PROCA1: variants seen among roughly 807,000 people sequenced by gnomAD.
The protein encoded by PROCA1 is protein PROCA1.
In PROCA1, 22 loss-of-function variants were observed where a neutral mutation model predicts 23.2. That is an observed-to-expected ratio of 0.95 (90% confidence interval 0.68 to 1.35). The LOEUF (loss-of-function observed/expected upper bound fraction) is 1.35. Among genes scored for constraint, PROCA1 ranks in the 40% most tolerant of loss-of-function variants. PROCA1 has a pLI of 0.00. For missense variants in PROCA1, 469 were observed against 459.8 expected (o/e 1.02, Z -0.18); for synonymous variants, 182 against 179.2 (o/e 1.02, Z -0.12).
rs1039980122 is a variant in PROCA1, at chr17:28,703,438, C to T, written c.*120G>A. 3.7e-6 allele frequency: 4 copies of T among 1,075,670 alleles called. No individual in the cohort carries two copies. The highest frequency in any genetic ancestry group is 1.6e-5 in the African/African-American group (1 of 63,344). 66.6% of individuals were successfully genotyped at this position (1,075,670 alleles called of 1,614,324 possible). ...AAGCTGGATTGCCTTTGAGAAACCC[C>T]TGCAGCCCTGAGCCCACCCCTTGCC... On this transcript the variant is annotated 3_prime_UTR_variant, in exon 5 of 5. Transcript: ENST00000682792.
In PROCA1 at chr17:28,704,726, T is replaced by C. The variant is rs1391968591; in HGVS notation, c.293A>G (p.His98Arg). Residue 98 changes from histidine (H) to arginine (R), a missense_variant, in exon 3 of 5, where the codon CAC becomes CGC. Coordinates refer to ENST00000682792, the MANE Select transcript of PROCA1 (RefSeq NM_001366301.1). Reference sequence around the variant, plus strand: ...CCCTCACCTAGAATTACAGTTGCAGTGGTTGACAGAGTGTAGGTGCAGGCT... The same window carrying C: ...CCCTCACCTAGAATTACAGTTGCAGCGGTTGACAGAGTGTAGGTGCAGGCT... ...RHSLHLHSVN[H>R]CNCNSRLKDS... is the part of the protein sequence containing the mutation. 31 of 1,614,094 alleles carry C rather than the reference T, an allele frequency of 1.9e-5. No homozygotes were observed. The highest frequency in any genetic ancestry group is 2.5e-5 in the Non-Finnish European group (29 of 1,179,980).
At chr17:28,704,663 C>G (rs137985218) in intron 3 of PROCA1, 45 bp downstream of exon 3, 2 of 1,608,052 alleles carry the variant, frequency 1.2e-6, no homozygotes, top group East Asian at 2.2e-5. Flanking sequence ...AATGAAAGTT[C>G]GGACCTGGCT....
rs1189995689 is a variant in PROCA1, at chr17:28,704,383, AGGTT to A, written c.360_363del (p.Thr121AlafsTer37). The stretch of plus-strand genomic sequence containing the variant: ...CAAGGGGACTCGATGACATGGGAGC[AGGTT>A]GGGCCCGCGCCCCGGGAGCTGCTGC... On this transcript the variant is annotated frameshift_variant, in exon 4 of 5. Coordinates refer to ENST00000682792, the MANE Select transcript of PROCA1 (RefSeq NM_001366301.1). LOFTEE classifies it high-confidence loss of function. 6.2e-7 allele frequency: 1 copy of A among 1,614,110 alleles called. No homozygotes were observed. Among genetic ancestry groups the A allele is most frequent in the Non-Finnish European group, 8.5e-7 (1 of 1,180,000 alleles).
chr17:28,706,656 G>A, intron 2 of PROCA1, 24 bp downstream of exon 2: 1 of 1,297,758 alleles, frequency 7.7e-7, no homozygotes, highest in African/African-American at 1.5e-5. Context: ...AGGATCCCCT[G>A]GGTCAAAGGT....
Position 28,703,894 on chromosome 17 carries a change from T to C in PROCA1, c.759A>G (p.Ala253=), listed in dbSNP as rs143184244. 1.6e-4 allele frequency: 260 copies of C among 1,614,120 alleles called. No homozygotes were observed. In the African/African-American group the frequency reaches 2.8e-3, roughly 18 times the overall value. The change falls in exon 5 of 5, where the codon GCA becomes GCG. Residue 253 remains alanine (A), a synonymous_variant. Coordinates refer to ENST00000682792, the MANE Select transcript of PROCA1 (RefSeq NM_001366301.1). ...EKDKEEMDEK[A]KLKKKAKKGQ... ...CTTTCTTGGCTTTTTTCTTCAGCTT[T>C]GCCTTCTCATCCATCTCCTCCTTGT...
intron 1 of PROCA1, chr17:28,711,035 AG>A: frequency 8.4e-7 from 1 of 1,189,728 alleles, no homozygotes; most frequent in Non-Finnish European, 1.1e-6. Flanking sequence ...GAGAGGAAGG[AG>A]GGAAGAGGAG....
Position 28,703,455 on chromosome 17 carries a change from C to T in PROCA1, c.*103G>A. On this transcript the variant is annotated 3_prime_UTR_variant, in exon 5 of 5. Coordinates refer to ENST00000682792, the MANE Select transcript of PROCA1 (RefSeq NM_001366301.1). ...AGAAACCCCTGCAGCCCTGAGCCCA[C>T]CCCTTGCCCCGCAAGAAACAGCCAG... The T allele has an allele frequency of 1.6e-6, 2 of 1,267,888 alleles. No homozygotes were observed. The highest frequency in any genetic ancestry group is 2.2e-6 in the Non-Finnish European group (2 of 911,388). 78.5% of individuals were successfully genotyped at this position (1,267,888 alleles called of 1,614,324 possible).
Position 28,703,644 on chromosome 17 carries a change from C to G in PROCA1, c.1009G>C (p.Ala337Pro). Reference protein sequence around the residue: ...SPRKRENTVQAKKTGAKPSQA... With the variant: ...SPRKRENTVQPKKTGAKPSQA... ...GAGGGCTTTGCCCCTGTCTTTTTGG[C>G]CTGGACTGTGTTCTCTCTCTTCCTG... Residue 337 changes from alanine (A) to proline (P), a missense_variant, in exon 5 of 5, where the codon GCC (alanine) becomes CCC (proline). By Grantham distance (27) the Ala-to-Pro change is conservative. Transcript: ENST00000682792. 1 of 1,614,174 alleles carries G rather than the reference C, an allele frequency of 6.2e-7. No individual in the cohort carries two copies. Among genetic ancestry groups the G allele is most frequent in the African/African-American group, 1.3e-5 (1 of 75,030 alleles).
intron 1 of PROCA1, chr17:28,707,865 T>G (rs1183156358): frequency 6.6e-6 from 1 of 152,306 alleles, no homozygotes; most frequent in African/African-American, 2.4e-5. Flanking sequence ...TCTTCACTTC[T>G]TTCTTCTCTT....
Position 28,711,697 on chromosome 17 carries a change from T to G in PROCA1, c.-37A>C, listed in dbSNP as rs185382921. ...CAGGTCTTCGTCTCTACAGGACTCTTGCGTGAAGTCCAACCCTGAGCCTCA... is the reference window on the plus strand; with the variant it reads ...CAGGTCTTCGTCTCTACAGGACTCTGGCGTGAAGTCCAACCCTGAGCCTCA... On this transcript the variant is annotated 5_prime_UTR_variant, in exon 1 of 5. Transcript: ENST00000682792. 4.0e-5 allele frequency: 63 copies of G among 1,585,710 alleles called. No homozygotes were observed. The East Asian group carries it at 1.3e-3, about 34-fold the overall frequency.
rs1194137089 is a variant in PROCA1, at chr17:28,711,610, G to C, written c.51C>G (p.Thr17=). ...CATCCCACGAGCGGGCCTTGGGCTC[G>C]GTCTTTTCCTTAGTCCATCTTTCAA... ...LTIERWTKEK[T]EPKARSWDES... The change falls in exon 1 of 5, where the codon ACC becomes ACG. Residue 17 remains threonine (T), a synonymous_variant. Transcript: ENST00000682792. 1.2e-6 allele frequency: 2 copies of C among 1,612,052 alleles called. No individual in the cohort carries two copies. The highest frequency in any genetic ancestry group is 2.2e-5 in the East Asian group (1 of 44,534).
chr17:28,709,667 T>G (rs531513608), intron 1 of PROCA1, among the ~76,000 whole-genome samples: 1 of 151,974 alleles, frequency 6.6e-6, no homozygotes, highest in East Asian at 2.0e-4. Context: ...AGATTCTGTC[T>G]TATAAAATAA....
chr17:28,711,587 T>A lies in PROCA1; in HGVS notation c.74A>T (p.Asp25Val). 1 of 1,610,888 alleles carries A rather than the reference T, an allele frequency of 6.2e-7. No homozygotes were observed. The highest frequency in any genetic ancestry group is 8.5e-7 in the Non-Finnish European group (1 of 1,179,084). The change falls in exon 1 of 5, where the codon GAT (aspartate) becomes GTT (valine). Residue 25 changes from aspartate to valine, a missense_variant. Transcript: ENST00000682792. ...CCTCTTACCGCGGCATCTGCTCTCA[T>A]CCCACGAGCGGGCCTTGGGCTCGGT... The part of the protein sequence containing the change: ...EKTEPKARSW[D>V]ESRCRDVNRL...
chr17:28,711,333 C>T, intron 1 of PROCA1: 1 of 560,018 alleles, frequency 1.8e-6, no homozygotes. Flanking sequence ...ATCCCGCGGG[C>T]GACCCAGCAG....
Position 28,711,570 on chromosome 17 carries a change from C to T in PROCA1, c.91G>A (p.Asp31Asn), listed in dbSNP as rs1276847950. 1.9e-6 allele frequency: 3 copies of T among 1,608,644 alleles called. No individual in the cohort carries two copies. Among genetic ancestry groups the T allele is most frequent in the Non-Finnish European group, 2.5e-6 (3 of 1,178,450 alleles). The change falls in exon 1 of 5, where the codon GAT (aspartate) becomes AAT (asparagine). Residue 31 changes from aspartate to asparagine, a missense_variant and splice_region_variant. Asp to Asn is a conservative substitution (Grantham distance 23, BLOSUM62 1). Coordinates refer to ENST00000682792, the MANE Select transcript of PROCA1 (RefSeq NM_001366301.1). The stretch of plus-strand genomic sequence containing the variant: ...CCAGCCCCTGCCCCGCCCCTCTTAC[C>T]GCGGCATCTGCTCTCATCCCACGAG... ...ARSWDESRCRDVNRLPSWERG... is the reference protein window; with the variant it reads ...ARSWDESRCRNVNRLPSWERG...
rs1244395843 is a variant in PROCA1, at chr17:28,711,650, C to T, written c.11G>A (p.Arg4Lys). 6.2e-7 allele frequency: 1 copy of T among 1,612,582 alleles called. No homozygotes were observed. The part of the protein sequence containing the change: MWV[R>K]TTLTIERWTK... ...CCATCTTTCAATTGTGAGCGTCGTC[C>T]TGACCCACATCGCTCTCCGCCCAGG... The change falls in exon 1 of 5, where the codon AGG (arginine) becomes AAG (lysine). Residue 4 changes from arginine to lysine, a missense_variant. By Grantham distance (26) the Arg-to-Lys change is conservative. Transcript: ENST00000682792.
chr17:28,711,781 C>G lies in PROCA1; in HGVS notation c.-121G>C, dbSNP rs540124288. ...CAGTCTCGGCTTCGCCCCCGCCTAG[C>G]CCCTAACCCCGCCTCATGCTGGCGC... On this transcript the variant is annotated 5_prime_UTR_variant, in exon 1 of 5. Transcript: ENST00000682792. 1.3e-5 allele frequency: 10 copies of G among 777,994 alleles called. No homozygotes were observed. The African/African-American group carries it at 1.8e-4, about 14-fold the overall frequency. The allele number at this position is 777,994 out of a possible 1,614,324, so 48.2% of individuals were successfully genotyped here.
At chr17:28,704,247 G>T in intron 4 of PROCA1, 35 bp from the exon 5 acceptor site, 1 of 1,566,582 alleles carries the variant, frequency 6.4e-7, no homozygotes. Flanking sequence ...GTTTGACAGA[G>T]AGTGGGGGGC....
At position 28,703,770 on chromosome 17, in the gene PROCA1, A is replaced by T; in HGVS notation, c.883T>A (p.Ser295Thr). Residue 295 changes from serine to threonine, a missense_variant, in exon 5 of 5, where the codon TCC (serine) becomes ACC (threonine). Physicochemically the swap from Ser to Thr is moderately conservative, Grantham distance 58. Coordinates refer to ENST00000682792, the MANE Select transcript of PROCA1 (RefSeq NM_001366301.1). ...AGCTCTTCCCGGCTTTCTGGGCTGG[A>T]CTCGGACATCCTGGCCAGCTGTCTT... ...SARQLARMSE[S>T]SPESREELES... 6.2e-7 allele frequency: 1 copy of T among 1,613,772 alleles called. No homozygotes were observed. Among genetic ancestry groups the T allele is most frequent in the African/African-American group, 1.3e-5 (1 of 74,836 alleles).
Sources: allele counts gnomAD v4.1 joint callset (sites outside exome capture counted in the v4.1 genomes callset), GRCh38; gene constraint gnomAD v4.1.1; transcripts MANE v1.5; gene names NCBI Gene and HGNC (gene_info 2026-07-23, HGNC 2026-07-21).